The following ATR variants were observed in gnomAD, a reference collection of about 807,000 sequenced individuals.
ATR encodes serine/threonine-protein kinase ATR.
Under a neutral mutation model 305.3 loss-of-function variants are expected in ATR, and 142 were observed. The observed-to-expected ratio is 0.47, with a 90% confidence interval of 0.41 to 0.53. The LOEUF (loss-of-function observed/expected upper bound fraction) is 0.53. Among genes scored for constraint, ATR ranks in the 20% least tolerant of loss-of-function variants. The probability of loss-of-function intolerance (pLI) is 0.00; values close to 1 mark genes in which losing one functional copy is unlikely to be tolerated. For missense variants in ATR, 2,135 were observed against 3,133.1 expected (o/e 0.68, Z 7.60); for synonymous variants, 1,050 against 1,068.1 (o/e 0.98, Z 0.33).
chr3:142,469,132 T>C (rs1391832374), intron 38 of ATR, among the ~76,000 whole-genome samples: 2 of 152,198 alleles, frequency 1.3e-5, no homozygotes, highest in Admixed American at 1.3e-4. Context: ...TTAAACATAC[T>C]AGTTACTTCA....
chr3:142,520,125 G>A (rs549362875), intron 23 of ATR, among the ~76,000 whole-genome samples: 1 of 152,036 alleles, frequency 6.6e-6, no homozygotes, highest in East Asian at 1.9e-4. Flanking sequence ...AGTGATCTTT[G>A]ATGTTACTGT....
chr3:142,553,116 T>A, intron 13 of ATR, 111 bp downstream of exon 13: 1 of 1,355,440 alleles, frequency 7.4e-7, no homozygotes, highest in Non-Finnish European at 1.0e-6. Flanking sequence ...AAATATAAAT[T>A]GAAGAAAAAA....
chr3:142,452,838 C>G, intron 46 of ATR: 4 of 1,239,356 alleles, frequency 3.2e-6, no homozygotes, highest in Non-Finnish European at 4.1e-6. Flanking sequence ...TAAGTTCAGG[C>G]AATTTGTACT....
chr3:142,491,560 CAGA>C (rs1264654501), intron 35 of ATR, among the ~76,000 whole-genome samples: 1 of 152,158 alleles, frequency 6.6e-6, no homozygotes, highest in Non-Finnish European at 1.5e-5. Context: ...AGAATAAATT[CAGA>C]AGATCTCTCT....
Position 142,562,267 on chromosome 3 carries a change from G to C in ATR, c.1135C>G (p.Leu379Val). Residue 379 changes from leucine (L) to valine (V), a missense_variant, in exon 4 of 47, where the codon CTT (leucine) becomes GTT (valine). This residue lies in a region of ATR where 744 missense variants were observed against 873.2 expected (regional missense o/e 0.85). Transcript: ENST00000350721. ...ACCTCAATTCCAAGCACATCCAAAA[G>C]AGCTTTACAAATATTTCTCACATAG... Reference protein sequence around the residue: ...KVYVRNICKALLDVLGIEVDA... With the variant: ...KVYVRNICKAVLDVLGIEVDA... The C allele has an allele frequency of 6.2e-7, 1 of 1,613,920 alleles. No individual in the cohort carries two copies. The highest frequency in any genetic ancestry group is 1.6e-4 in the Middle Eastern group (1 of 6,062).
chr3:142,503,293 C>A, intron 30 of ATR, 69 bp downstream of exon 30: 1 of 1,077,960 alleles, frequency 9.3e-7, no homozygotes, highest in Non-Finnish European at 1.4e-6. Flanking sequence ...ATTAAATTAC[C>A]CAATTCACTA....
chr3:142,511,375 G>A (rs1283277536), intron 27 of ATR, among the ~76,000 whole-genome samples: 1 of 151,856 alleles, frequency 6.6e-6, no homozygotes. Context: ...CCCCATTTTG[G>A]CCAGGTGTGG....
At chr3:142,482,396 C>T (rs1390133526) in intron 36 of ATR, among the ~76,000 whole-genome samples, 1 of 152,172 alleles carries the variant, frequency 6.6e-6, no homozygotes. Flanking sequence ...AAAATACTCA[C>T]TATACATAAC....
chr3:142,529,180 T>C (rs2033539620), intron 21 of ATR, among the ~76,000 whole-genome samples: 1 of 151,818 alleles, frequency 6.6e-6, no homozygotes, highest in South Asian at 2.1e-4. Context: ...GTGCCCAGCC[T>C]ATCCAATATA....
At chr3:142,528,953 G>A (rs1254729488) in intron 21 of ATR, among the ~76,000 whole-genome samples, 1 of 133,056 alleles carries the variant, frequency 7.5e-6, no homozygotes, top group Non-Finnish European at 1.5e-5. Context: ...GCGCAATCTC[G>A]GCTCACTGCA....
chr3:142,512,813 A>G (rs540714862), intron 26 of ATR, among the ~76,000 whole-genome samples: 2 of 152,320 alleles, frequency 1.3e-5, no homozygotes, highest in South Asian at 2.1e-4. Context: ...CAAGAGCATC[A>G]CTGCACCCCA....
Position 142,497,133 on chromosome 3 carries a change from C to G in ATR, c.5618G>C (p.Gly1873Ala). The G allele has an allele frequency of 6.2e-7, 1 of 1,614,008 alleles. No homozygotes were observed. Among genetic ancestry groups the G allele is most frequent in the South Asian group, 1.1e-5 (1 of 91,078 alleles). Residue 1873 changes from glycine (G) to alanine (A), a missense_variant, in exon 33 of 47, where the codon GGT becomes GCT. By Grantham distance (60) the Gly-to-Ala change is moderately conservative. Coordinates refer to ENST00000350721, the MANE Select transcript of ATR (RefSeq NM_001184.4). ...TAGAGAATCTTCTTGAGAACTGTCA[C>G]CTGGAGAATGCTGGAAAAGTGGTTT... Reference protein sequence around the residue: ...SIKPLFQHSPGDSSQEDSLNW... With the variant: ...SIKPLFQHSPADSSQEDSLNW...
chr3:142,558,833 TAAATAA>T lies in ATR; in HGVS notation c.1733-63_1733-58del, dbSNP rs750334901. ...AACTTTTCCTTAATCATATCTCTTT[TAAATAA>T]AAATAAAGACATTTGAAATACTATC... On this transcript the variant is annotated intron_variant, in intron 7 of 46. Transcript: ENST00000350721. 1,921 of 1,466,480 alleles carry T rather than the reference TAAATAA, an allele frequency of 1.3e-3. 2 individuals carry two copies. The highest frequency in any genetic ancestry group is 1.7e-3 in the Non-Finnish European group (1,780 of 1,059,428). 90.8% of individuals were successfully genotyped at this position (1,466,480 alleles called of 1,614,324 possible).
rs192790949 is a variant in ATR at position 142,455,761 on chromosome 3, G to A, written c.7655+1843C>T. 5.1e-4 allele frequency among the ~76,000 whole-genome samples: 78 copies of A among 152,292 alleles called. 1 individual carries two copies. The highest frequency in any genetic ancestry group is 1.8e-3 in the African/African-American group (73 of 41,564). On this transcript the variant is annotated intron_variant, in intron 45 of 46. Transcript: ENST00000350721. ...TGAAGACAGATAAAAGATTTAAATA[G>A]CAGAGCTAAAAGTCAAAAATGCTTA... is the stretch of plus-strand genomic sequence containing the variant.
chr3:142,519,915 G>A (rs1481020448), intron 23 of ATR, 131 bp from the exon 24 acceptor site: 2 of 740,976 alleles, frequency 2.7e-6, no homozygotes, highest in Non-Finnish European at 4.7e-6. Context: ...CTTTATTTAT[G>A]CTTCATGGAT....
Position 142,535,138 on chromosome 3 carries a change from T to G in ATR, c.3887A>C (p.Asn1296Thr). ...AAGAGCATGAATACGAACATCGACA[T>G]TTTCATGTTGAATGGCCTTCATAGA... Reference protein sequence around the residue: ...QLSMKAIQHENVDVRIHALTS... With the variant: ...QLSMKAIQHETVDVRIHALTS... The change falls in exon 21 of 47, where the codon AAT (asparagine) becomes ACT (threonine). Residue 1296 changes from asparagine to threonine, a missense_variant. By Grantham distance (65) the Asn-to-Thr change is moderately conservative. Transcript: ENST00000350721. 1 of 1,613,306 alleles carries G rather than the reference T, an allele frequency of 6.2e-7. No homozygotes were observed. The highest frequency in any genetic ancestry group is 8.5e-7 in the Non-Finnish European group (1 of 1,179,474).
chr3:142,465,368 T>C (rs989901543), intron 40 of ATR, 128 bp from the exon 41 acceptor site: 41 of 693,100 alleles, frequency 5.9e-5, no homozygotes, highest in Non-Finnish European at 8.9e-5. Context: ...AGTGAATTTG[T>C]ATTTTAAAAA....
chr3:142,449,848 G>T, intron 46 of ATR: 3 of 515,200 alleles, frequency 5.8e-6, no homozygotes, highest in Non-Finnish European at 1.0e-5. Context: ...GAAATACCAG[G>T]GAATTATTTA....
chr3:142,498,362 A>G (rs2031761156), intron 32 of ATR, among the ~76,000 whole-genome samples: 1 of 152,220 alleles, frequency 6.6e-6, no homozygotes, highest in African/African-American at 2.4e-5. Flanking sequence ...CAAGAGGACA[A>G]ACATAAGATA....
Sources: gnomAD v4.1 joint callset for allele counts (sites outside exome capture counted in the v4.1 genomes callset) on GRCh38, gnomAD v4.1.1 for gene constraint, gnomAD v4.1.1 regional missense constraint, MANE v1.5 for transcripts, NCBI Gene and HGNC (gene_info 2026-07-23, HGNC 2026-07-21) for gene names.